Variants in MYB observed in about 807,000 individuals in gnomAD.
The protein encoded by MYB is transcriptional activator Myb.
Under a neutral mutation model 92.9 loss-of-function variants are expected in MYB, and 28 were observed. The ratio of observed to expected loss-of-function variants is 0.30; its 90% CI spans 0.22 to 0.41. MYB has a LOEUF of 0.41. MYB is among the 10% of genes least tolerant of loss of function. The pLI, the probability that MYB is intolerant of heterozygous loss-of-function variation, is 1.00. For missense variants in MYB, 679 were observed against 929.3 expected, an observed-to-expected ratio of 0.73 and a Z score of 3.50; for synonymous variants, 295 against 329.1, an observed-to-expected ratio of 0.90 and a Z score of 1.12.
intron 10 of MYB, 151 bp from the exon 11 acceptor site, chr6:135,198,757 C>A: frequency 1.6e-6 from 1 of 607,742 alleles, no homozygotes; most frequent in Non-Finnish European, 2.7e-6. Flanking sequence ...TAAAACAATA[C>A]CCTAGTCAAT....
rs780473465 is a variant in MYB at position 135,197,340 on chromosome 6, G to T, written c.1566+17G>T. 1 of 1,572,776 alleles carries T rather than the reference G, an allele frequency of 6.4e-7. No homozygotes were observed. The highest frequency in any genetic ancestry group is 1.2e-5 in the South Asian group (1 of 86,858). ...CCCTCGCAGGTAGAACACAATTTCT[G>T]CACAGCTGTTACTCATTTTCAACAG... On this transcript the variant is annotated intron_variant, in intron 10 of 15. Coordinates refer to ENST00000341911, the MANE Select transcript of MYB (RefSeq NM_001130173.2).
intron 9 of MYB, 36 bp from the exon 10 acceptor site, chr6:135,196,925 C>T: frequency 6.3e-7 from 1 of 1,596,286 alleles, no homozygotes; most frequent in Non-Finnish European, 8.5e-7. Flanking sequence ...ATGGCACACA[C>T]TATCTCAAAG....
chr6:135,211,756 G>A (rs1489471826), intron 15 of MYB, among the ~76,000 whole-genome samples: 2 of 152,148 alleles, frequency 1.3e-5, no homozygotes, highest in African/African-American at 4.8e-5. Flanking sequence ...AGTTAGGCTT[G>A]GGAAGTGGAG....
At chr6:135,195,074 G>T in intron 8 of MYB, 1 of 1,304,314 alleles carries the variant, frequency 7.7e-7, no homozygotes, top group Non-Finnish European at 1.0e-6. Context: ...AAAGAGAAGT[G>T]ATGCCCAGTA....
At chr6:135,199,186 C>A in intron 11 of MYB, 136 bp downstream of exon 11, 1 of 701,550 alleles carries the variant, frequency 1.4e-6, no homozygotes. Flanking sequence ...ATGTCTATTC[C>A]CACATTGAAT....
intron 15 of MYB, among the ~76,000 whole-genome samples, chr6:135,215,838 A>G (rs1287426977): frequency 6.6e-6 from 1 of 151,804 alleles, no homozygotes; most frequent in East Asian, 1.9e-4. Flanking sequence ...CCCTCTTCCC[A>G]TGGACAACAC....
intron 1 of MYB, among the ~76,000 whole-genome samples, chr6:135,183,318 T>A (rs576800355): frequency 6.6e-6 from 1 of 152,084 alleles, no homozygotes; most frequent in Non-Finnish European, 1.5e-5. Flanking sequence ...TTTGAACCCC[T>A]CCGAATCACA....
At chr6:135,200,697 T>C (rs1164513322) in intron 13 of MYB, 2 of 410,518 alleles carry the variant, frequency 4.9e-6, no homozygotes, top group Non-Finnish European at 9.2e-6. Flanking sequence ...CTTTTAAACA[T>C]TACTGATTAT....
At chr6:135,203,408 G>A in intron 15 of MYB, 84 bp downstream of exon 15, 1 of 1,104,102 alleles carries the variant, frequency 9.1e-7, no homozygotes, top group South Asian at 1.3e-5. Flanking sequence ...TGGTGGTGAT[G>A]GTAGTGCTGG....
chr6:135,192,109 C>T lies in MYB; in HGVS notation c.528-215C>T, dbSNP rs1186147764. Among the ~76,000 whole-genome samples, 10 of 152,138 alleles carry T rather than the reference C, an allele frequency of 6.6e-5. No homozygotes were observed. The South Asian group carries it at 1.5e-3, about 22-fold the overall frequency. ...AAAAGATACTGATATTTCTAGAAAA[C>T]GACATGCATTCCAGATTGTGTAACT... On this transcript the variant is annotated intron_variant, in intron 5 of 15. Transcript: ENST00000341911.
intron 13 of MYB, among the ~76,000 whole-genome samples, chr6:135,201,034 G>A (rs936529629): frequency 4.6e-5 from 7 of 152,022 alleles, no homozygotes; most frequent in Admixed American, 2.0e-4. Context: ...AGCCAAGATC[G>A]TACCACTGCA....
At chr6:135,196,923 C>T in intron 9 of MYB, 38 bp from the exon 10 acceptor site, 1 of 1,595,626 alleles carries the variant, frequency 6.3e-7, no homozygotes, top group Non-Finnish European at 8.5e-7. Flanking sequence ...TGATGGCACA[C>T]ACTATCTCAA....
In MYB at chr6:135,217,996, G is replaced by A; in HGVS notation, c.*16G>A. ...GGTCATGTGAGACATTTCCAGAAAA[G>A]CATTATGGTTTTCAGAACACTTCAA... On this transcript the variant is annotated 3_prime_UTR_variant, in exon 16 of 16. Transcript: ENST00000341911. 1 of 1,552,220 alleles carries A rather than the reference G, an allele frequency of 6.4e-7. No homozygotes were observed. Among genetic ancestry groups the A allele is most frequent in the Non-Finnish European group, 8.9e-7 (1 of 1,123,640 alleles).
At position 135,218,521 on chromosome 6, in the gene MYB, T is replaced by C. The variant is rs1039956672; in HGVS notation, c.*541T>C. ...ACATTTATTGTACCAAACCATTTTA[T>C]GAGTTTTCTGTTAGCTTGCTTTAAA... is the stretch of plus-strand genomic sequence containing the variant. On this transcript the variant is annotated 3_prime_UTR_variant, in exon 16 of 16. Transcript: ENST00000341911. 1 of 183,012 alleles carries C rather than the reference T, an allele frequency of 5.5e-6. No homozygotes were observed. The highest frequency in any genetic ancestry group is 2.4e-5 in the African/African-American group (1 of 42,538). The allele number at this position is 183,012 out of a possible 1,614,324, so 11.3% of individuals were successfully genotyped here. A position where few individuals can be genotyped will look rare whatever the true frequency, so the allele number is the denominator to read the frequency against.
In MYB at chr6:135,212,613, G is replaced by A. The variant is rs1280690658; in HGVS notation, c.2170-5251G>A. Among the ~76,000 whole-genome samples, 4 of 152,300 alleles carry A rather than the reference G, an allele frequency of 2.6e-5. No individual in the cohort carries two copies. In the East Asian group the frequency reaches 5.8e-4, roughly 22 times the overall value. Reference sequence around the variant, plus strand: ...ATTAAAGGCACATTACAGGATAAGCGAGATGACTCCCCGGCCACAGGAGGA... The same window carrying A: ...ATTAAAGGCACATTACAGGATAAGCAAGATGACTCCCCGGCCACAGGAGGA... On this transcript the variant is annotated intron_variant, in intron 15 of 15. Coordinates refer to ENST00000341911, the MANE Select transcript of MYB (RefSeq NM_001130173.2).
intron 1 of MYB, among the ~76,000 whole-genome samples, 194 bp from the exon 2 acceptor site, chr6:135,185,709 A>G (rs2128283797): frequency 6.6e-6 from 1 of 152,330 alleles, no homozygotes; most frequent in East Asian, 1.9e-4. Context: ...GTCTGTGGAT[A>G]CCCATAACAG....
At chr6:135,215,536 C>G (rs1435731792) in intron 15 of MYB, among the ~76,000 whole-genome samples, 1 of 152,146 alleles carries the variant, frequency 6.6e-6, no homozygotes, top group Non-Finnish European at 1.5e-5. Context: ...AGCTATGCCA[C>G]AGGTGTTTTG....
chr6:135,214,150 C>T (rs1780112204), intron 15 of MYB, among the ~76,000 whole-genome samples: 1 of 151,892 alleles, frequency 6.6e-6, no homozygotes, highest in Non-Finnish European at 1.5e-5. Context: ...GGCATGGTGA[C>T]ACACTCCTGT....
chr6:135,200,205 T>G lies in MYB; in HGVS notation c.1824+6T>G. 6.2e-7 allele frequency: 1 copy of G among 1,614,066 alleles called. No homozygotes were observed. Among genetic ancestry groups the G allele is most frequent in the Non-Finnish European group, 8.5e-7 (1 of 1,179,954 alleles). ...ACGGTCCCCTGAAGATGCTAGTAAG[T>G]TCTAGAAAAGTTTTTGGATTTCATT... On this transcript the variant is annotated splice_donor_region_variant and intron_variant, in intron 12 of 15. Transcript: ENST00000341911.
Sources: gnomAD v4.1 joint callset for allele counts (sites outside exome capture counted in the v4.1 genomes callset) on GRCh38, gnomAD v4.1.1 for gene constraint, MANE v1.5 for transcripts, NCBI Gene and HGNC (gene_info 2026-07-23, HGNC 2026-07-21) for gene names.